Variants in WDR17 observed in about 807,000 individuals in gnomAD.
WDR17 encodes WD repeat domain 17.
In WDR17, 143 loss-of-function variants were observed where a neutral mutation model predicts 161.7. That is an observed-to-expected ratio of 0.88 (90% CI 0.77 to 1.02). WDR17 has a LOEUF of 1.02. Ranked by LOEUF, WDR17 falls within the 50% of genes least tolerant of loss-of-function variation. The pLI is 0.00. For synonymous variants in WDR17, 517 were observed against 515.6 expected, an observed-to-expected ratio of 1.00 and a Z score of -0.04; for missense variants, 1,469 against 1,520.9, an observed-to-expected ratio of 0.97 and a Z score of 0.57.
chr4:176,134,845 T>G (rs1004044976), intron 7 of WDR17, among the ~76,000 whole-genome samples: 2 of 151,666 alleles, frequency 1.3e-5, no homozygotes, highest in South Asian at 2.1e-4. Flanking sequence ...AAAGTGAGAC[T>G]TCTGAACATC....
chr4:176,155,545 G>GTTTTTTTTTTTTTTTTTTTTTTTTT (rs869207103), intron 17 of WDR17, among the ~76,000 whole-genome samples: 2 of 105,248 alleles, frequency 1.9e-5, no homozygotes, highest in Non-Finnish European at 3.8e-5. Flanking sequence ...ATTTGTTTGT[G>GTTTTTTTTTTTTTTTTTTTTTTTTT]TTTTTTTTTT....
intron 7 of WDR17, among the ~76,000 whole-genome samples, chr4:176,133,154 C>A (rs35295497): frequency 1.4e-5 from 2 of 142,260 alleles, no homozygotes; most frequent in Non-Finnish European, 3.0e-5. Context: ...ATATACCATT[C>A]GAAGAAAAAA....
rs1244715024 is a variant in WDR17, at chr4:176,181,680, T to C, written c.*2101T>C. The C allele has an allele frequency of 6.5e-6, 1 of 153,674 alleles. No homozygotes were observed. The highest frequency in any genetic ancestry group is 1.5e-5 in the Non-Finnish European group (1 of 68,954). The allele number at this position is 153,674 out of a possible 1,614,324, so 9.5% of individuals were successfully genotyped here. ...TTAAAAATGGCAGTCTCAATCCTAC[T>C]GTCATTCTTTTTATTTTAAAATAAA... is the stretch of plus-strand genomic sequence containing the variant. On this transcript the variant is annotated 3_prime_UTR_variant, in exon 29 of 29. Coordinates refer to ENST00000508596, the MANE Select transcript of WDR17 (RefSeq NM_181265.4).
At chr4:176,177,804 T>G (rs1751662717) in intron 28 of WDR17, 150 bp downstream of exon 28, 1 of 693,138 alleles carries the variant, frequency 1.4e-6, no homozygotes, top group Non-Finnish European at 2.3e-6. Context: ...GCTTCCATAG[T>G]TAGTACAAGT....
intron 1 of WDR17, among the ~76,000 whole-genome samples, chr4:176,074,810 C>CTTTTTGTTTTTTTTTTTTTTTT (rs1733751821): frequency 1.3e-5 from 1 of 79,200 alleles, no homozygotes. Flanking sequence ...TTTTTTAATG[C>CTTTTTGTTTTTTTTTTTTTTTT]TTTTTTTTTT....
rs748882959 is a variant in WDR17, at chr4:176,146,032, C to T, written c.1567C>T (p.Arg523Cys). Residue 523 changes from arginine (R) to cysteine (C), a missense_variant, in exon 12 of 29, where the codon CGT (arginine) becomes TGT (cysteine). Arg to Cys is a radical substitution (Grantham distance 180). Transcript: ENST00000508596. ...CACTGGCTGTGAAGACACAAATGTT[C>T]GTGTTTATTATGTAGCCACCAGCTC... ...IATGCEDTNV[R>C]VYYVATSSDQ... The T allele has an allele frequency of 7.4e-6, 12 of 1,613,508 alleles. No individual in the cohort carries two copies. Among genetic ancestry groups the T allele is most frequent in the East Asian group, 2.2e-5 (1 of 44,852 alleles).
intron 18 of WDR17, among the ~76,000 whole-genome samples, chr4:176,157,709 C>T (rs9990546): frequency 0.1 from 15,844 of 152,190 alleles, 1,775 homozygotes; most frequent in African/African-American, 0.27. Flanking sequence ...TAAAAGTAAA[C>T]ATATTTTGTA....
At chr4:176,069,956 A>G (rs761052639) in intron 1 of WDR17, among the ~76,000 whole-genome samples, 1 of 152,212 alleles carries the variant, frequency 6.6e-6, no homozygotes, top group African/African-American at 2.4e-5. Flanking sequence ...GAAAAGAGTT[A>G]TGCAACATTT....
intron 22 of WDR17, among the ~76,000 whole-genome samples, chr4:176,167,662 A>AAACAAC (rs1554036564): frequency 1.1e-4 from 5 of 45,336 alleles, no homozygotes; most frequent in Admixed American, 3.8e-4. Flanking sequence ...AAAAAAAAAA[A>AAACAAC]AAAAAAAAAA....
chr4:176,135,078 A>C, intron 7 of WDR17, 30 bp from the exon 8 acceptor site: 1 of 1,605,366 alleles, frequency 6.2e-7, no homozygotes, highest in African/African-American at 1.3e-5. Context: ...TTTCCTCAAT[A>C]ATTATGACTT....
chr4:176,113,050 T>A (rs973963296), intron 2 of WDR17, among the ~76,000 whole-genome samples: 3 of 152,092 alleles, frequency 2.0e-5, no homozygotes, highest in African/African-American at 7.2e-5. Context: ...AATATCTAGC[T>A]ACCAAAATGG....
chr4:176,082,525 A>G (rs370070213), intron 1 of WDR17, among the ~76,000 whole-genome samples: 4 of 151,998 alleles, frequency 2.6e-5, no homozygotes, highest in African/African-American at 9.7e-5. Flanking sequence ...TCCGGGATTG[A>G]GACATCTTCC....
At chr4:176,152,294 C>CAAAAAAAAAAAAAAA (rs397837505) in intron 17 of WDR17, among the ~76,000 whole-genome samples, 2,710 of 72,000 alleles carry the variant, frequency 0.038, 209 homozygotes, top group Non-Finnish European at 0.057. Flanking sequence ...GACCCTATCT[C>CAAAAAAAAAAAAAAA]AAAAAAAAAA....
At chr4:176,132,960 C>T (rs1006944724) in intron 7 of WDR17, among the ~76,000 whole-genome samples, 2 of 151,670 alleles carry the variant, frequency 1.3e-5, no homozygotes, top group African/African-American at 4.8e-5. Flanking sequence ...TGCTTTACAT[C>T]AGCACTGGGT....
At chr4:176,160,824 AG>A in intron 19 of WDR17, 86 bp from the exon 20 acceptor site, 4 of 1,063,132 alleles carry the variant, frequency 3.8e-6, no homozygotes, top group Non-Finnish European at 5.3e-6. Flanking sequence ...ACATTATTTA[AG>A]TATACTTTGC....
intron 4 of WDR17, among the ~76,000 whole-genome samples, chr4:176,124,515 T>C (rs1742127479): frequency 6.6e-6 from 1 of 152,214 alleles, no homozygotes; most frequent in Non-Finnish European, 1.5e-5. Context: ...TGTGCACCAC[T>C]ATTCTAAACA....
chr4:176,152,294 C>CAAAAAAAAAAAAAA lies in WDR17; in HGVS notation c.2460+334_2460+347dup, dbSNP rs397837505. Among the ~76,000 whole-genome samples, 157 of 72,126 alleles carry CAAAAAAAAAAAAAA rather than the reference C, an allele frequency of 2.2e-3. 13 individuals carry two copies. Among genetic ancestry groups the CAAAAAAAAAAAAAA allele is most frequent in the African/African-American group, 3.8e-3 (70 of 18,606 alleles). 47.3% of individuals were successfully genotyped at this position (72,126 alleles called of 152,430 possible). A position where few individuals can be genotyped will look rare whatever the true frequency, so the allele number is the denominator to read the frequency against. ...TGGGCTACAGAAAGAGACCCTATCTCAAAAAAAAAAAAAAAAAAAAGCCTG... is the reference window on the plus strand; with the variant it reads ...TGGGCTACAGAAAGAGACCCTATCTCAAAAAAAAAAAAAAAAAAAAAAAAAAAAAAAAAAGCCTG... On this transcript the variant is annotated intron_variant, in intron 17 of 28. Coordinates refer to ENST00000508596, the MANE Select transcript of WDR17 (RefSeq NM_181265.4).
intron 28 of WDR17, among the ~76,000 whole-genome samples, chr4:176,178,766 C>G (rs1751821051): frequency 6.6e-6 from 1 of 152,212 alleles, no homozygotes; most frequent in African/African-American, 2.4e-5. Context: ...CATTTGAAAT[C>G]AGACCCCAAA....
chr4:176,082,228 G>A (rs1734839114), intron 1 of WDR17, among the ~76,000 whole-genome samples: 1 of 151,968 alleles, frequency 6.6e-6, no homozygotes, highest in Non-Finnish European at 1.5e-5. Context: ...TAGAAACATA[G>A]GCAAATAATA....
Sources: gnomAD v4.1 joint callset for allele counts (sites outside exome capture counted in the v4.1 genomes callset) on GRCh38, gnomAD v4.1.1 for gene constraint, MANE v1.5 for transcripts, NCBI Gene and HGNC (gene_info 2026-07-23, HGNC 2026-07-21) for gene names.